RNF170: variants seen among roughly 807,000 people sequenced by gnomAD.
RNF170 encodes E3 ubiquitin-protein ligase RNF170.
Under a neutral mutation model 32.7 loss-of-function variants are expected in RNF170, and 12 were observed. The ratio of observed to expected loss-of-function variants is 0.37; its 90% CI spans 0.24 to 0.60. RNF170 has a LOEUF of 0.60. Among genes scored for constraint, RNF170 ranks in the 20% least tolerant of loss-of-function variants. RNF170 has a pLI of 0.72. For synonymous variants in RNF170, 91 were observed against 103.6 expected, an observed-to-expected ratio of 0.88 and a Z score of 0.74; for missense variants, 212 against 311.2, an observed-to-expected ratio of 0.68 and a Z score of 2.40.
chr8:42,881,665 T>C (rs1302309718), intron 2 of RNF170: 4 of 152,256 alleles, frequency 2.6e-5, no homozygotes, highest in African/African-American at 4.8e-5. Context: ...CCAGGAGCAG[T>C]GGCTCATGCC....
chr8:42,882,745 G>A (rs1805514704), intron 2 of RNF170, among the ~76,000 whole-genome samples: 1 of 152,100 alleles, frequency 6.6e-6, no homozygotes, highest in Admixed American at 6.6e-5. Context: ...TGGGCATAAA[G>A]TTTCTGTTAG....
At chr8:42,852,910 G>A (rs575204895), downstream of RNF170, among the ~76,000 whole-genome samples, 6 of 149,794 alleles carry the variant, frequency 4.0e-5, no homozygotes, top group Admixed American at 4.0e-4. Context: ...GAGCCTGGGA[G>A]TTTTAGACCA....
At chr8:42,887,461 T>A (rs1032608158) in intron 2 of RNF170, among the ~76,000 whole-genome samples, 3 of 152,162 alleles carry the variant, frequency 2.0e-5, no homozygotes, top group African/African-American at 7.2e-5. Context: ...GAAATTAAAG[T>A]TTTTTAAATT....
At chr8:42,879,923 C>T (rs138183157) in intron 2 of RNF170, among the ~76,000 whole-genome samples, 23 of 152,234 alleles carry the variant, frequency 1.5e-4, no homozygotes, top group African/African-American at 5.5e-4. Flanking sequence ...GATCTGCCTG[C>T]CTCGCCCTCC....
intron 6 of RNF170, 120 bp from the exon 7 acceptor site, chr8:42,856,548 TGAA>T: frequency 1.4e-6 from 1 of 711,886 alleles, no homozygotes; most frequent in Non-Finnish European, 2.3e-6. Context: ...ACACATTAAT[TGAA>T]CATATTTTCT....
rs1198392483 is a variant in RNF170, at chr8:42,854,356, A to G, written c.*1803T>C. On this transcript the variant is annotated 3_prime_UTR_variant, in exon 7 of 7. Transcript: ENST00000527424. ...GAAATTTTGGTGTAATGCCACTTTG[A>G]TCAGTTATTTGTTGTATGACTTCAT... 3.1e-6 allele frequency: 4 copies of G among 1,287,216 alleles called. No homozygotes were observed. The highest frequency in any genetic ancestry group is 4.0e-6 in the Non-Finnish European group (4 of 988,686). The allele number at this position is 1,287,216 out of a possible 1,614,324, so 79.7% of individuals were successfully genotyped here.
chr8:42,891,320 T>C (rs560916076), intron 1 of RNF170, among the ~76,000 whole-genome samples: 36 of 152,326 alleles, frequency 2.4e-4, no homozygotes, highest in African/African-American at 8.2e-4. Flanking sequence ...TTAGCTTAAC[T>C]CTTCCTCATT....
intron 3 of RNF170, among the ~76,000 whole-genome samples, chr8:42,872,797 G>C (rs1339496070): frequency 6.6e-6 from 1 of 152,028 alleles, no homozygotes; most frequent in Non-Finnish European, 1.5e-5. Context: ...AGGAATTTTT[G>C]TCTGTTTAAT....
At chr8:42,870,158 C>T in intron 3 of RNF170, 46 bp from the exon 4 acceptor site, 1 of 1,303,846 alleles carries the variant, frequency 7.7e-7, no homozygotes, top group Non-Finnish European at 1.1e-6. Context: ...CACATGTGGC[C>T]CTCAACAGTA....
Position 42,853,791 on chromosome 8 carries a change from T to C in RNF170, c.*2368A>G, listed in dbSNP as rs1431109209. On this transcript the variant is annotated 3_prime_UTR_variant, in exon 7 of 7. Coordinates refer to ENST00000527424, the MANE Select transcript of RNF170 (RefSeq NM_030954.4). The stretch of plus-strand genomic sequence containing the variant: ...AACAAGCAGGTCTAAAGTTCTGAGA[T>C]GTTAGCACATACCCTTTTCACAATT... 1 of 1,287,246 alleles carries C rather than the reference T, an allele frequency of 7.8e-7. No homozygotes were observed. Among genetic ancestry groups the C allele is most frequent in the South Asian group, 1.2e-5 (1 of 80,936 alleles). The allele number at this position is 1,287,246 out of a possible 1,614,324, so 79.7% of individuals were successfully genotyped here.
Position 42,855,023 on chromosome 8 carries a change from T to C in RNF170, c.*1136A>G. On this transcript the variant is annotated 3_prime_UTR_variant, in exon 7 of 7. Transcript: ENST00000527424. Reference sequence around the variant, plus strand: ...AAATGTAAATACCGTTCCCAGTACCTTCCTATTGGCTTGATGCTCAAAGAC... The same window carrying C: ...AAATGTAAATACCGTTCCCAGTACCCTCCTATTGGCTTGATGCTCAAAGAC... The C allele has an allele frequency of 1.6e-6, 2 of 1,287,254 alleles. No individual in the cohort carries two copies. 79.7% of individuals were successfully genotyped at this position (1,287,254 alleles called of 1,614,324 possible). A position where few individuals can be genotyped will look rare whatever the true frequency, so the allele number is the denominator to read the frequency against.
chr8:42,887,286 C>T (rs983431347), intron 2 of RNF170, among the ~76,000 whole-genome samples: 4 of 151,160 alleles, frequency 2.6e-5, no homozygotes, highest in Non-Finnish European at 4.4e-5. Flanking sequence ...ATTGAGACTC[C>T]GTCTCAAAAA....
In RNF170 at chr8:42,861,726, A is replaced by G. The variant is rs770117594; in HGVS notation, c.507+19T>C. 2.6e-6 allele frequency: 4 copies of G among 1,543,422 alleles called. No homozygotes were observed. The highest frequency in any genetic ancestry group is 2.7e-5 in the African/African-American group (2 of 73,590). On this transcript the variant is annotated intron_variant, in intron 6 of 6. Coordinates refer to ENST00000527424, the MANE Select transcript of RNF170 (RefSeq NM_030954.4). ...AATGTGTCTTCCTCTAACTTTGAAC[A>G]TGCTTTAGCATTACTTACAGATCTG...
At chr8:42,873,281 GTC>G (rs1290868765) in intron 3 of RNF170, among the ~76,000 whole-genome samples, 3 of 143,252 alleles carry the variant, frequency 2.1e-5, no homozygotes, top group Admixed American at 7.2e-5. Flanking sequence ...GTGAGACCCT[GTC>G]TCTTTTTTAC....
intron 2 of RNF170, 81 bp from the exon 3 acceptor site, chr8:42,874,087 T>A (rs1804727426): frequency 1.2e-6 from 1 of 808,044 alleles, no homozygotes; most frequent in Non-Finnish European, 2.1e-6. Context: ...ACTTTCTGAC[T>A]TATAACTACT....
intron 4 of RNF170, among the ~76,000 whole-genome samples, chr8:42,867,590 A>G (rs1421499200): frequency 6.6e-6 from 1 of 151,520 alleles, no homozygotes; most frequent in Non-Finnish European, 1.5e-5. Flanking sequence ...CATGGCTAAC[A>G]TGGTGAAACC....
chr8:42,865,208 G>C (rs1223806289), intron 5 of RNF170, among the ~76,000 whole-genome samples: 1 of 151,436 alleles, frequency 6.6e-6, no homozygotes, highest in Non-Finnish European at 1.5e-5. Context: ...AGGAAGCTAC[G>C]ATCATGCCAC....
chr8:42,850,869 G>A, downstream of RNF170: 2 of 1,551,664 alleles, frequency 1.3e-6, no homozygotes, highest in South Asian at 1.2e-5. Flanking sequence ...GGAGCATTCG[G>A]TCATGGGGTA....
chr8:42,850,997 C>T (rs2128920293), downstream of RNF170: 8 of 1,551,324 alleles, frequency 5.2e-6, no homozygotes, highest in South Asian at 7.1e-5. Context: ...TCTGATGAAC[C>T]CTACACACGG....
Sources: gnomAD v4.1 joint callset for allele counts (sites outside exome capture counted in the v4.1 genomes callset) on GRCh38, gnomAD v4.1.1 for gene constraint, MANE v1.5 for transcripts, NCBI Gene and HGNC (gene_info 2026-07-23, HGNC 2026-07-21) for gene names.